Variants in B3GAT1 observed in about 807,000 individuals in gnomAD.
B3GAT1 encodes the protein beta-1,3-glucuronyltransferase 1.
In B3GAT1, 11 loss-of-function variants were observed where a neutral mutation model predicts 28.4. The observed-to-expected ratio is 0.39, with a 90% CI of 0.24 to 0.64. B3GAT1 has a LOEUF of 0.64. Among genes scored for constraint, B3GAT1 ranks in the 30% least tolerant of loss-of-function variants. The probability of loss-of-function intolerance (pLI) is 0.50; values close to 1 mark genes in which losing one functional copy is unlikely to be tolerated. For missense variants in B3GAT1, 375 were observed against 491.0 expected (o/e 0.76, Z 2.23); for synonymous variants, 255 against 223.1 (o/e 1.14, Z -1.27).
rs372556042 is a variant in B3GAT1 at position 134,383,662 on chromosome 11, T to G, written c.621+18A>C. The G allele has an allele frequency of 6.5e-7, 1 of 1,536,256 alleles. No individual in the cohort carries two copies. The highest frequency in any genetic ancestry group is 8.8e-7 in the Non-Finnish European group (1 of 1,137,686). The stretch of plus-strand genomic sequence containing the variant: ...CGCAGCCGGAGGTCCCGCTGCTCAC[T>G]GTCGGGCCCTCCCTCACCTCTTCGA... On this transcript the variant is annotated intron_variant, in intron 3 of 5. Transcript: ENST00000312527.
rs1183528445 is a variant in B3GAT1, at chr11:134,383,709, TGTC to T, written c.589_591del (p.Asp197del). On this transcript the variant is annotated inframe_deletion, in exon 3 of 6. Transcript: ENST00000312527. ...TCGAAGAGCTCCAGGCTGTAGGTGT[TGTC>T]GTCGTCGGCGAAGTAGACCACGCCA... 1.3e-6 allele frequency: 2 copies of T among 1,589,026 alleles called. No individual in the cohort carries two copies. Among genetic ancestry groups the T allele is most frequent in the Non-Finnish European group, 1.7e-6 (2 of 1,163,640 alleles).
rs1206313070 is a variant in B3GAT1, at chr11:134,408,887, ATT to A, written c.-282+2918_-282+2919del. Among the ~76,000 whole-genome samples the A allele has an allele frequency of 5.1e-4, 58 of 114,058 alleles. 1 individual carries two copies. Among genetic ancestry groups the A allele is most frequent in the African/African-American group, 1.5e-3 (39 of 26,406 alleles). 74.8% of individuals were successfully genotyped at this position (114,058 alleles called of 152,430 possible). ...GAGGGAGGTGGGACAGCCTGCACCG[ATT>A]CCAGTGGGGTGAGGAGGGAGGTGGG... On this transcript the variant is annotated intron_variant, in intron 1 of 5. Coordinates refer to ENST00000312527, the MANE Select transcript of B3GAT1 (RefSeq NM_054025.3).
chr11:134,392,745 G>C (rs754214411), intron 1 of B3GAT1, among the ~76,000 whole-genome samples: 1 of 152,122 alleles, frequency 6.6e-6, no homozygotes, highest in African/African-American at 2.4e-5. Context: ...GACTCAGATG[G>C]GAAGGCTCTG....
At chr11:134,394,901 T>G (rs1944474506) in intron 1 of B3GAT1, among the ~76,000 whole-genome samples, 1 of 152,252 alleles carries the variant, frequency 6.6e-6, no homozygotes, top group Non-Finnish European at 1.5e-5. Context: ...CCTTTGTTTT[T>G]CTTTTTTTCA....
Position 134,412,110 on chromosome 11 carries a change from G to A in B3GAT1, c.-585C>T, listed in dbSNP as rs1347580003. Among the ~76,000 whole-genome samples, 1 of 140,726 alleles carries A rather than the reference G, an allele frequency of 7.1e-6. No individual in the cohort carries two copies. Among genetic ancestry groups the A allele is most frequent in the Non-Finnish European group, 1.6e-5 (1 of 63,716 alleles). 92.3% of individuals were successfully genotyped at this position (140,726 alleles called of 152,430 possible). On this transcript the variant is annotated 5_prime_UTR_variant, in exon 1 of 6. Coordinates refer to ENST00000312527, the MANE Select transcript of B3GAT1 (RefSeq NM_054025.3). ...GCGGGGGGCGGGGGGCGGGGAGGGG[G>A]AGCGGGGAGGGGGAGCGGGGAGCGG...
At chr11:134,383,600 C>A in intron 3 of B3GAT1, 80 bp downstream of exon 3, 2 of 1,438,678 alleles carry the variant, frequency 1.4e-6, no homozygotes, top group Non-Finnish European at 1.8e-6. Context: ...CGCGCCTCCG[C>A]ACCCACACCC....
At position 134,381,949 on chromosome 11, in the gene B3GAT1, C is replaced by A. The variant is rs1171864095; in HGVS notation, c.994G>T (p.Val332Leu). 1 of 1,613,970 alleles carries A rather than the reference C, an allele frequency of 6.2e-7. No homozygotes were observed. Among genetic ancestry groups the A allele is most frequent in the African/African-American group, 1.3e-5 (1 of 74,928 alleles). Residue 332 changes from valine (V) to leucine (L), a missense_variant, in exon 5 of 6, where the codon GTG (valine) becomes TTG (leucine). Transcript: ENST00000312527. ...CTGCATCCTGAGGCTCAGATCTCCA[C>A]CGAGGGGTCAGTGAAGCCCTTCTTG... The part of the protein sequence containing the change: ...EGKKGFTDPS[V>L]EI
chr11:134,391,029 G>A (rs1353150633), intron 1 of B3GAT1: 1 of 152,328 alleles, frequency 6.6e-6, no homozygotes, highest in East Asian at 1.9e-4. Context: ...GGGGCCTGTG[G>A]GCAAGGGTGC....
In B3GAT1 at chr11:134,396,722, G is replaced by A. The variant is rs189313508; in HGVS notation, c.-281-8782C>T. Among the ~76,000 whole-genome samples the A allele has an allele frequency of 3.3e-5, 5 of 152,274 alleles. No individual in the cohort carries two copies. The East Asian group carries it at 7.7e-4, about 24-fold the overall frequency. On this transcript the variant is annotated intron_variant, in intron 1 of 5. Coordinates refer to ENST00000312527, the MANE Select transcript of B3GAT1 (RefSeq NM_054025.3). ...TTGCAGCCTGGAAGGGCCAGGAAAC[G>A]GGTCTGCTCGGCCTGGCTTCCTGCT... is the stretch of plus-strand genomic sequence containing the variant.
intron 1 of B3GAT1, among the ~76,000 whole-genome samples, chr11:134,392,612 C>A (rs943814284): frequency 3.3e-5 from 5 of 152,184 alleles, no homozygotes; most frequent in African/African-American, 1.2e-4. Flanking sequence ...CTCAACAGAT[C>A]CTCCTGCTTT....
intron 1 of B3GAT1, among the ~76,000 whole-genome samples, chr11:134,405,352 G>A (rs970528685): frequency 6.6e-6 from 1 of 152,186 alleles, no homozygotes; most frequent in Non-Finnish European, 1.5e-5. Context: ...CCAAACCCAG[G>A]TCTGAAGCCA....
intron 1 of B3GAT1, among the ~76,000 whole-genome samples, chr11:134,395,682 C>T (rs1349774250): frequency 6.6e-6 from 1 of 152,110 alleles, no homozygotes; most frequent in African/African-American, 2.4e-5. Context: ...TCCTTGCTAC[C>T]TTTCCATCCT....
At chr11:134,407,500 C>T (rs950411106) in intron 1 of B3GAT1, among the ~76,000 whole-genome samples, 9 of 152,228 alleles carry the variant, frequency 5.9e-5, no homozygotes, top group Admixed American at 2.0e-4. Context: ...AAGACTGAGC[C>T]GTGGAATCCA....
In B3GAT1 at chr11:134,403,534, G is replaced by A. The variant is rs983474029; in HGVS notation, c.-282+8273C>T. ...AGGTAGAATGGGGTGCCTCCTTCTT[G>A]ATGCTCCCATGACACTGTGACATAG... On this transcript the variant is annotated intron_variant, in intron 1 of 5. Transcript: ENST00000312527. 3.3e-5 allele frequency among the ~76,000 whole-genome samples: 5 copies of A among 152,158 alleles called. No individual in the cohort carries two copies. The South Asian group carries it at 1.0e-3, about 32-fold the overall frequency.
intron 1 of B3GAT1, among the ~76,000 whole-genome samples, chr11:134,395,516 C>T (rs188822083): frequency 1.1e-4 from 17 of 152,046 alleles, no homozygotes; most frequent in African/African-American, 3.9e-4. Context: ...CCACTTGACC[C>T]CTGCCTGCGT....
At position 134,387,774 on chromosome 11, in the gene B3GAT1, C is replaced by G. The variant is rs1427379265; in HGVS notation, c.-115G>C. On this transcript the variant is annotated 5_prime_UTR_variant, in exon 2 of 6. Transcript: ENST00000312527. Reference sequence around the variant, plus strand: ...GAGAAAAGAACAGGCATGGGCCGGGCCGGCCAGGCATGGAGAGGACAGAGC... The same window carrying G: ...GAGAAAAGAACAGGCATGGGCCGGGGCGGCCAGGCATGGAGAGGACAGAGC... The G allele has an allele frequency of 3.9e-6, 6 of 1,547,616 alleles. No individual in the cohort carries two copies. The highest frequency in any genetic ancestry group is 5.2e-6 in the Non-Finnish European group (6 of 1,149,384).
intron 3 of B3GAT1, among the ~76,000 whole-genome samples, chr11:134,383,459 G>A (rs1944183837): frequency 6.6e-6 from 1 of 152,322 alleles, no homozygotes; most frequent in Non-Finnish European, 1.5e-5. Context: ...CAGGAATATG[G>A]TTTAGGGGCT....
chr11:134,392,160 G>C (rs181050661), intron 1 of B3GAT1: 1 of 152,342 alleles, frequency 6.6e-6, no homozygotes, highest in Non-Finnish European at 1.5e-5. Context: ...TAGGGCCAGA[G>C]GCGAGGCAAG....
intron 3 of B3GAT1, among the ~76,000 whole-genome samples, chr11:134,383,248 T>C (rs1056726204): frequency 6.6e-6 from 1 of 152,148 alleles, no homozygotes; most frequent in African/African-American, 2.4e-5. Context: ...CTTCCCCTTC[T>C]CAGCGTGGCC....
Sources: gnomAD v4.1 joint callset for allele counts (sites outside exome capture counted in the v4.1 genomes callset) on GRCh38, gnomAD v4.1.1 for gene constraint, MANE v1.5 for transcripts, NCBI Gene and HGNC (gene_info 2026-07-23, HGNC 2026-07-21) for gene names.